DPYD: variants seen among roughly 807,000 people sequenced by gnomAD.
DPYD encodes dihydropyrimidine dehydrogenase [NADP(+)].
A neutral mutation model predicts 116.2 loss-of-function variants in DPYD; 109 were observed. The observed-to-expected ratio is 0.94, with a 90% CI of 0.80 to 1.10. The LOEUF is 1.10. DPYD is among the 50% of genes least tolerant of loss of function. The pLI, the probability that DPYD is intolerant of heterozygous loss-of-function variation, is 0.00. For missense variants in DPYD, 1,302 were observed against 1,254.5 expected (o/e 1.04, Z -0.57); for synonymous variants, 440 against 432.0 (o/e 1.02, Z -0.23).
rs971467717 is a variant in DPYD, at chr1:97,474,198, GACACAAAGTCT to G, written c.1741-23986_1741-23976del. ...AATACTTATGCAAGGTAATCAAAATGACACAAAGTCTACAATAAAATATTCTAACGATGAAC... is the reference window on the plus strand; with the variant it reads ...AATACTTATGCAAGGTAATCAAAATGACAATAAAATATTCTAACGATGAAC... On this transcript the variant is annotated intron_variant, in intron 13 of 22. Transcript: ENST00000370192. Among the ~76,000 whole-genome samples, 3 of 152,130 alleles carry G rather than the reference GACACAAAGTCT, an allele frequency of 2.0e-5. No individual in the cohort carries two copies. The East Asian group carries it at 5.8e-4, about 29-fold the overall frequency.
chr1:97,921,028 G>T lies in DPYD; in HGVS notation c.-106C>A. ...CAGCCGGAGCGCGAGTCGAAAACAG[G>T]CAGACTAGGGCCGGCGGCGCGGGGG... On this transcript the variant is annotated 5_prime_UTR_variant, in exon 1 of 23. Coordinates refer to ENST00000370192, the MANE Select transcript of DPYD (RefSeq NM_000110.4). 3 of 1,404,460 alleles carry T rather than the reference G, an allele frequency of 2.1e-6. No individual in the cohort carries two copies. Among genetic ancestry groups the T allele is most frequent in the Non-Finnish European group, 2.9e-6 (3 of 1,026,260 alleles). The allele number at this position is 1,404,460 out of a possible 1,614,324, so 87.0% of individuals were successfully genotyped here.
At chr1:97,329,507 G>A (rs1460824301) in intron 16 of DPYD, among the ~76,000 whole-genome samples, 2 of 151,886 alleles carry the variant, frequency 1.3e-5, no homozygotes, top group East Asian at 3.9e-4. Flanking sequence ...AGCAATTTGG[G>A]AGGCCCAGGT....
intron 1 of DPYD, among the ~76,000 whole-genome samples, chr1:97,891,768 T>C (rs1317508246): frequency 6.6e-6 from 1 of 151,910 alleles, no homozygotes; most frequent in Non-Finnish European, 1.5e-5. Context: ...AGGAAGCTAC[T>C]TGACCAACAT....
chr1:97,224,999 G>A (rs796720677), intron 19 of DPYD, among the ~76,000 whole-genome samples: 8 of 142,246 alleles, frequency 5.6e-5, no homozygotes, highest in Non-Finnish European at 9.3e-5. Context: ...CTATCTGTCT[G>A]TCTGTCTATC....
intron 19 of DPYD, among the ~76,000 whole-genome samples, chr1:97,232,994 A>C (rs151213332): frequency 4.5e-4 from 68 of 152,250 alleles, no homozygotes; most frequent in Middle Eastern, 3.4e-3. Context: ...ATTTTGGTAT[A>C]ATATTAAGAG....
At chr1:97,719,665 T>C in intron 5 of DPYD, 2 of 977,412 alleles carry the variant, frequency 2.0e-6, no homozygotes, top group Non-Finnish European at 2.4e-6. Flanking sequence ...TGGGTAAATT[T>C]AAGTAAACCA....
At position 97,661,949 on chromosome 1, in the gene DPYD, A is replaced by T. The variant is rs139466945; in HGVS notation, c.850+17146T>A. 5.9e-3 allele frequency among the ~76,000 whole-genome samples: 858 copies of T among 146,628 alleles called. 15 individuals carry two copies. Among genetic ancestry groups the T allele is most frequent in the African/African-American group, 0.02 (806 of 39,944 alleles). ...TATCAAGTTTTATTTTAAAAAGTAT[A>T]TATTTTCACACATAGGAAATATTTA... is the stretch of plus-strand genomic sequence containing the variant. On this transcript the variant is annotated intron_variant, in intron 8 of 22. Transcript: ENST00000370192.
intron 5 of DPYD, among the ~76,000 whole-genome samples, chr1:97,703,438 T>G (rs1345528606): frequency 6.6e-6 from 1 of 151,946 alleles, no homozygotes; most frequent in African/African-American, 2.4e-5. Context: ...GAGGATTTAA[T>G]GAGCTAATTA....
chr1:97,740,063 G>T (rs1001100819), intron 4 of DPYD, among the ~76,000 whole-genome samples: 1 of 152,060 alleles, frequency 6.6e-6, no homozygotes, highest in African/African-American at 2.4e-5. Context: ...AATCATAAAT[G>T]TGTTTTGATG....
chr1:97,201,209 C>T (rs1320802809), intron 19 of DPYD, among the ~76,000 whole-genome samples: 1 of 152,038 alleles, frequency 6.6e-6, no homozygotes, highest in African/African-American at 2.4e-5. Context: ...AGATTTTTAA[C>T]ATTTAAGGTT....
chr1:97,190,098 C>T (rs1658253399), intron 20 of DPYD, among the ~76,000 whole-genome samples: 1 of 152,130 alleles, frequency 6.6e-6, no homozygotes. Flanking sequence ...TCACATAAAT[C>T]CAGCAGTCTT....
In DPYD at chr1:97,595,107, A is replaced by G. The variant is rs183105782; in HGVS notation, c.910T>C (p.Tyr304His). The G allele has an allele frequency of 1.3e-5, 21 of 1,613,774 alleles. No individual in the cohort carries two copies. In the East Asian group the frequency reaches 3.8e-4, roughly 29 times the overall value. Residue 304 changes from tyrosine (Y) to histidine (H), a missense_variant, in exon 9 of 23, where the codon TAT becomes CAT. Physicochemically the swap from Tyr to His is moderately conservative, Grantham distance 83 (BLOSUM62 2). Transcript: ENST00000370192. ...AGTGGCAAAAAGTCTTTGGATGTAT[A>G]AAACCCCTGGTCCTGCGTCAGGCCT... ...FQGLTQDQGFYTSKDFLPLVA... is the reference protein window; with the variant it reads ...FQGLTQDQGFHTSKDFLPLVA...
rs773002572 is a variant in DPYD, at chr1:97,098,609, A to G, written c.2646T>C (p.Tyr882=). ...CTATGATTTTCTTGCGCTGTTCCAG[A>G]TAAGGTCCAAAACTTGGCAGTTTCT... ...MDKKLPSFGP[Y]LEQRKKIIAE... Residue 882 remains tyrosine, a synonymous_variant, in exon 21 of 23, where the codon TAT becomes TAC. Coordinates refer to ENST00000370192, the MANE Select transcript of DPYD (RefSeq NM_000110.4). The G allele has an allele frequency of 1.7e-5, 27 of 1,612,878 alleles. No homozygotes were observed. The South Asian group carries it at 2.9e-4, about 17-fold the overall frequency.
chr1:97,725,234 T>C (rs76945951), intron 4 of DPYD, among the ~76,000 whole-genome samples: 1,715 of 151,734 alleles, frequency 0.011, 32 homozygotes, highest in African/African-American at 0.039. Flanking sequence ...TTCAGAACTA[T>C]ATGTATTAAA....
chr1:97,535,770 C>T (rs1355291738), intron 12 of DPYD, among the ~76,000 whole-genome samples: 1 of 152,124 alleles, frequency 6.6e-6, no homozygotes, highest in Non-Finnish European at 1.5e-5. Flanking sequence ...GGTACAGCCT[C>T]ATTGCTCATT....
intron 6 of DPYD, among the ~76,000 whole-genome samples, chr1:97,696,615 A>T (rs188778978): frequency 4.3e-4 from 65 of 152,260 alleles, no homozygotes; most frequent in African/African-American, 1.5e-3. Flanking sequence ...TTTGAAAAAA[A>T]AAAATTTCTT....
At chr1:97,396,932 C>T in intron 14 of DPYD, among the ~76,000 whole-genome samples, 1 of 144,928 alleles carries the variant, frequency 6.9e-6, no homozygotes, top group Admixed American at 6.8e-5. Flanking sequence ...CCAACCACTA[C>T]TCAGTTCCTG....
chr1:97,703,831 AT>A (rs1346490713), intron 5 of DPYD, among the ~76,000 whole-genome samples: 1 of 151,990 alleles, frequency 6.6e-6, no homozygotes, highest in African/African-American at 2.4e-5. Context: ...TGTTATAGTT[AT>A]TTTTAATATG....
intron 13 of DPYD, among the ~76,000 whole-genome samples, chr1:97,507,542 CT>C (rs1647434833): frequency 6.6e-6 from 1 of 151,868 alleles, no homozygotes; most frequent in Admixed American, 6.6e-5. Context: ...AAATCCAGAT[CT>C]TTATTTCTAA....
Sources: allele counts gnomAD v4.1 joint callset (sites outside exome capture counted in the v4.1 genomes callset), GRCh38; gene constraint gnomAD v4.1.1; transcripts MANE v1.5; gene names NCBI Gene and HGNC (gene_info 2026-07-23, HGNC 2026-07-21).